LRP1B: variants seen among roughly 807,000 people sequenced by gnomAD.
LRP1B encodes LDL receptor related protein 1B.
In LRP1B, 217 loss-of-function variants were observed where a neutral mutation model predicts 556.6. The observed-to-expected ratio is 0.39, with a 90% confidence interval of 0.35 to 0.44. LRP1B has a LOEUF of 0.44. Among genes scored for constraint, LRP1B ranks in the 20% least tolerant of loss-of-function variants. The probability of loss-of-function intolerance (pLI) is 1.00; values close to 1 mark genes in which losing one functional copy is unlikely to be tolerated. For missense variants in LRP1B, 5,053 were observed against 5,620.8 expected (o/e 0.90, Z 3.23); for synonymous variants, 2,047 against 1,865.8 (o/e 1.10, Z -2.50).
At chr2:141,529,590 T>C (rs1684802814) in intron 2 of LRP1B, among the ~76,000 whole-genome samples, 1 of 152,172 alleles carries the variant, frequency 6.6e-6, no homozygotes, top group Non-Finnish European at 1.5e-5. Flanking sequence ...TCAAACTGAC[T>C]TGGATTCAAG....
chr2:141,332,109 A>AT (rs202038135), intron 3 of LRP1B, among the ~76,000 whole-genome samples: 3,041 of 146,840 alleles, frequency 0.021, 95 homozygotes, highest in East Asian at 0.12. Flanking sequence ...GTAATTGTTG[A>AT]TTTTTTTTTT....
chr2:141,447,945 GC>G (rs2105016303), intron 3 of LRP1B, among the ~76,000 whole-genome samples: 1 of 152,334 alleles, frequency 6.6e-6, no homozygotes, highest in South Asian at 2.1e-4. Flanking sequence ...TGAGCACTGT[GC>G]TGGGAGATCC....
chr2:141,916,115 C>T (rs969398474), intron 1 of LRP1B, among the ~76,000 whole-genome samples: 1 of 152,078 alleles, frequency 6.6e-6, no homozygotes, highest in African/African-American at 2.4e-5. Context: ...CAAAAAAACA[C>T]AAGCACTCAT....
chr2:141,792,548 G>A (rs1695650053), intron 2 of LRP1B, among the ~76,000 whole-genome samples: 1 of 152,016 alleles, frequency 6.6e-6, no homozygotes, highest in East Asian at 1.9e-4. Flanking sequence ...CATACATGAT[G>A]TGCTGGGGCA....
chr2:140,342,247 C>CAA (rs771614275), intron 77 of LRP1B, among the ~76,000 whole-genome samples: 10 of 138,480 alleles, frequency 7.2e-5, no homozygotes, highest in African/African-American at 2.3e-4. Context: ...ATATAACTAG[C>CAA]AAAAAAAAAA....
intron 2 of LRP1B, among the ~76,000 whole-genome samples, chr2:141,677,941 T>C (rs1690950979): frequency 6.6e-6 from 1 of 152,168 alleles, no homozygotes; most frequent in African/African-American, 2.4e-5. Flanking sequence ...TTTGAGTAGA[T>C]GGTATATATA....
At chr2:141,524,900 A>G (rs574291870) in intron 2 of LRP1B, among the ~76,000 whole-genome samples, 1 of 152,244 alleles carries the variant, frequency 6.6e-6, no homozygotes, top group African/African-American at 2.4e-5. Flanking sequence ...CTGATGCAGG[A>G]TATTATTATT....
chr2:141,619,169 GC>G (rs1311469013), intron 2 of LRP1B, among the ~76,000 whole-genome samples: 1 of 152,120 alleles, frequency 6.6e-6, no homozygotes, highest in Admixed American at 6.6e-5. Context: ...CTTTTCTTGA[GC>G]CTTTTTAGGG....
At chr2:141,772,124 C>T (rs1694921261) in intron 2 of LRP1B, among the ~76,000 whole-genome samples, 1 of 152,036 alleles carries the variant, frequency 6.6e-6, no homozygotes, top group African/African-American at 2.4e-5. Flanking sequence ...CTCTTTCTAC[C>T]ATGTGAGGAT....
rs566652262 is a variant in LRP1B at position 140,867,783 on chromosome 2, G to T, written c.4386C>A (p.Ile1462=). ...GGGAAAGGTATTCATGACCTCGGATGATTTCTATCATGTTTGTTCCATCAT... is the reference window on the plus strand; with the variant it reads ...GGGAAAGGTATTCATGACCTCGGATTATTTCTATCATGTTTGTTCCATCAT... ...ALYDGTNMIE[I]IRGHEYLSHP... The change falls in exon 27 of 91, where the codon ATC becomes ATA. Residue 1462 remains isoleucine (I), a synonymous_variant. Transcript: ENST00000389484. The T allele has an allele frequency of 6.2e-7, 1 of 1,604,952 alleles. No homozygotes were observed. The highest frequency in any genetic ancestry group is 8.5e-7 in the Non-Finnish European group (1 of 1,175,246).
In LRP1B at chr2:141,660,741, TCCC is replaced by T. The variant is rs571879042; in HGVS notation, c.205+149535_205+149537del. On this transcript the variant is annotated intron_variant, in intron 2 of 90. Coordinates refer to ENST00000389484, the MANE Select transcript of LRP1B (RefSeq NM_018557.3). ...TCCACGGATCAGCAGACTTAGTCTT[TCCC>T]CTGCTGGCTCTGAAAAATCCGGGCC... Among the ~76,000 whole-genome samples the T allele has an allele frequency of 4.8e-3, 726 of 152,216 alleles. 3 individuals carry two copies. The highest frequency in any genetic ancestry group is 0.014 in the Middle Eastern group (4 of 294).
At chr2:141,395,812 T>A (rs1241549465) in intron 3 of LRP1B, among the ~76,000 whole-genome samples, 2 of 152,138 alleles carry the variant, frequency 1.3e-5, no homozygotes, top group African/African-American at 4.8e-5. Context: ...GCCTGATGCA[T>A]AAGCATGAAG....
intron 86 of LRP1B, among the ~76,000 whole-genome samples, chr2:140,266,969 C>T (rs1682233689): frequency 6.6e-6 from 1 of 151,956 alleles, no homozygotes; most frequent in African/African-American, 2.4e-5. Flanking sequence ...GAGTTATAAC[C>T]AGGGTACGCA....
intron 77 of LRP1B, among the ~76,000 whole-genome samples, chr2:140,342,733 G>A (rs1573819485): frequency 1.3e-5 from 2 of 151,590 alleles, no homozygotes; most frequent in Admixed American, 6.6e-5. Flanking sequence ...CCAGAGAAAT[G>A]AAAGACTAAT....
intron 84 of LRP1B, among the ~76,000 whole-genome samples, chr2:140,295,618 G>GCT (rs956197082): frequency 2.0e-5 from 3 of 152,240 alleles, no homozygotes; most frequent in Non-Finnish European, 4.4e-5. Context: ...TTGAATCTTG[G>GCT]CTCTCGCAAA....
chr2:141,057,700 T>C (rs1852166), intron 9 of LRP1B, among the ~76,000 whole-genome samples: 142,232 of 151,894 alleles, frequency 0.94, 67,338 homozygotes, highest in East Asian at 1. Flanking sequence ...GATTGTGAGG[T>C]TTCCCCAGCC....
chr2:140,980,470 T>C (rs1325616119), intron 18 of LRP1B, among the ~76,000 whole-genome samples: 1 of 152,210 alleles, frequency 6.6e-6, no homozygotes, highest in East Asian at 1.9e-4. Flanking sequence ...CTATTGTCTA[T>C]TGTGTGGTTC....
At position 140,322,058 on chromosome 2, in the gene LRP1B, T is replaced by G; in HGVS notation, c.12545A>C (p.Glu4182Ala). 1 of 1,612,894 alleles carries G rather than the reference T, an allele frequency of 6.2e-7. No individual in the cohort carries two copies. The highest frequency in any genetic ancestry group is 8.5e-7 in the Non-Finnish European group (1 of 1,179,414). ...AGAAGGATTTAGCAAGCAAAGAAATTCGCATGCTAAATCCAAGCATGGATT... is the reference window on the plus strand; with the variant it reads ...AGAAGGATTTAGCAAGCAAAGAAATGCGCATGCTAAATCCAAGCATGGATT... ...LPNPCLDLAC[E>A]FLCLLNPSGA... is the part of the protein sequence containing the mutation. The change falls in exon 82 of 91, where the codon GAA becomes GCA. Residue 4182 changes from glutamate to alanine, a missense_variant. Coordinates refer to ENST00000389484, the MANE Select transcript of LRP1B (RefSeq NM_018557.3).
chr2:141,123,704 A>G (rs1000529784), intron 7 of LRP1B, among the ~76,000 whole-genome samples: 1 of 152,096 alleles, frequency 6.6e-6, no homozygotes, highest in African/African-American at 2.4e-5. Context: ...AAATATTCCA[A>G]TCCAACAGTT....
Sources: allele counts gnomAD v4.1 joint callset (sites outside exome capture counted in the v4.1 genomes callset), GRCh38; gene constraint gnomAD v4.1.1; transcripts MANE v1.5; gene names NCBI Gene and HGNC (gene_info 2026-07-23, HGNC 2026-07-21).